SLC25A28: variants seen among roughly 807,000 people sequenced by gnomAD.
The protein encoded by SLC25A28 is mitoferrin-2.
A neutral mutation model predicts 31.9 loss-of-function variants in SLC25A28; 10 were observed. The ratio of observed to expected loss-of-function variants is 0.31; its 90% CI spans 0.19 to 0.53. SLC25A28 has a LOEUF of 0.53. SLC25A28 is among the 20% of genes least tolerant of loss of function. The pLI, the probability that SLC25A28 is intolerant of heterozygous loss-of-function variation, is 0.95. For missense variants in SLC25A28, 256 were observed against 490.3 expected (o/e 0.52, Z 4.51); for synonymous variants, 208 against 203.6 (o/e 1.02, Z -0.19).
rs751337987 is a variant in SLC25A28 at position 99,613,630 on chromosome 10, G to A, written c.520+66C>T. 5 of 1,609,724 alleles carry A rather than the reference G, an allele frequency of 3.1e-6. No individual in the cohort carries two copies. Among genetic ancestry groups the A allele is most frequent in the African/African-American group, 1.3e-5 (1 of 75,004 alleles). On this transcript the variant is annotated intron_variant, in intron 2 of 3. Coordinates refer to ENST00000370495, the MANE Select transcript of SLC25A28 (RefSeq NM_031212.4). The surrounding 1 kb of genome is among the most constrained non-coding windows in gnomAD (Gnocchi z 4.9). ...CTCCAAACCATGCTGAGACTGGAAA[G>A]CACTGACAGCAGCAAAGCCCAAAGA...
At chr10:99,621,696 GCT>G (rs1407567456), upstream of SLC25A28, 1 of 152,370 alleles carries the variant, frequency 6.6e-6, no homozygotes, top group African/African-American at 2.4e-5. Context: ...GCGGTTTCCA[GCT>G]CTGTCTTCTC....
In SLC25A28 at chr10:99,610,559, G is replaced by T. The variant is rs1236970045; in HGVS notation, c.*290C>A. The T allele has an allele frequency of 1.4e-5, 5 of 358,020 alleles. No individual in the cohort carries two copies. The highest frequency in any genetic ancestry group is 2.0e-5 in the Non-Finnish European group (4 of 196,422). The allele number at this position is 358,020 out of a possible 1,614,324, so 22.2% of individuals were successfully genotyped here. A position where few individuals can be genotyped will look rare whatever the true frequency, so the allele number is the denominator to read the frequency against. On this transcript the variant is annotated 3_prime_UTR_variant, in exon 4 of 4. Coordinates refer to ENST00000370495, the MANE Select transcript of SLC25A28 (RefSeq NM_031212.4). ...GCTTTTTATTAGGAACCAGGGGAAT[G>T]AGCTGCTTATCCCTCTATAACAGTC... is the stretch of plus-strand genomic sequence containing the variant.
chr10:99,616,017 C>A, intron 1 of SLC25A28: 6 of 985,376 alleles, frequency 6.1e-6, no homozygotes, highest in Non-Finnish European at 7.2e-6. Flanking sequence ...AAAGTACACC[C>A]TTATGGAGAG....
the SLC25A28 span, among the ~76,000 whole-genome samples, chr10:99,631,625 C>G: frequency 6.6e-6 from 1 of 152,200 alleles, no homozygotes; most frequent in East Asian, 1.9e-4. Context: ...AGCCTCATCT[C>G]TTGACTCATC....
chr10:99,611,560 C>T lies in SLC25A28; in HGVS notation c.578-194G>A, dbSNP rs539042533. Among the ~76,000 whole-genome samples, 4 of 152,150 alleles carry T rather than the reference C, an allele frequency of 2.6e-5. No individual in the cohort carries two copies. The South Asian group carries it at 6.2e-4, about 24-fold the overall frequency. ...GAAGGAGTAAGCAGAGGGTTGGTAA[C>T]GAGTCAAAAAACAATAAACCCACTT... On this transcript the variant is annotated intron_variant, in intron 3 of 3. Coordinates refer to ENST00000370495, the MANE Select transcript of SLC25A28 (RefSeq NM_031212.4). This position sits in a 1 kb window ranked among gnomAD's most constrained non-coding sequence, Gnocchi z 5.5.
chr10:99,652,998 T>C, the SLC25A28 span, among the ~76,000 whole-genome samples: 1 of 152,162 alleles, frequency 6.6e-6, no homozygotes, highest in South Asian at 2.1e-4. Context: ...AAATTGAACA[T>C]TGATGATGTC....
At chr10:99,656,108 C>T in the SLC25A28 span, among the ~76,000 whole-genome samples, 15 of 151,882 alleles carry the variant, frequency 9.9e-5, no homozygotes, top group African/African-American at 3.1e-4. Flanking sequence ...GACTATATCT[C>T]GTCAGAATAA....
At chr10:99,614,089 A>T (rs982537182) in intron 1 of SLC25A28, among the ~76,000 whole-genome samples, 165 bp from the exon 2 acceptor site, 1 of 152,092 alleles carries the variant, frequency 6.6e-6, no homozygotes, top group Non-Finnish European at 1.5e-5. Context: ...TAAGCCTTGG[A>T]CCTTTCTTTT....
the SLC25A28 span, among the ~76,000 whole-genome samples, chr10:99,649,067 C>T: frequency 2.0e-5 from 3 of 152,112 alleles, no homozygotes; most frequent in African/African-American, 7.2e-5. Flanking sequence ...TTTTTCTCCA[C>T]TAAGTGTGAT....
the SLC25A28 span, among the ~76,000 whole-genome samples, chr10:99,646,751 C>T: frequency 6.6e-6 from 1 of 152,194 alleles, no homozygotes; most frequent in South Asian, 2.1e-4. Flanking sequence ...AAAGTCTGCA[C>T]TTTTAGTGTA....
rs139691311 is a variant in SLC25A28 at position 99,618,869 on chromosome 10, TTCTC to T, written c.291+1172_291+1175del. ...ATCTACTTTGCCTTTCCCAAGTTGA[TTCTC>T]TCCTCCTTTTGAATACATAACACTT... On this transcript the variant is annotated intron_variant, in intron 1 of 3. Coordinates refer to ENST00000370495, the MANE Select transcript of SLC25A28 (RefSeq NM_031212.4). 39 of 985,438 alleles carry T rather than the reference TTCTC, an allele frequency of 4.0e-5. No individual in the cohort carries two copies. The African/African-American group carries it at 6.5e-4, about 16-fold the overall frequency. 61.0% of individuals were successfully genotyped at this position (985,438 alleles called of 1,614,324 possible).
Position 99,617,763 on chromosome 10 carries a change from C to T in SLC25A28, c.291+2282G>A, listed in dbSNP as rs2034691492. 5 of 985,336 alleles carry T rather than the reference C, an allele frequency of 5.1e-6. No individual in the cohort carries two copies. The African/African-American group carries it at 8.7e-5, about 17-fold the overall frequency. 61.0% of individuals were successfully genotyped at this position (985,336 alleles called of 1,614,324 possible). ...GTTGACAACTCCTGAGCATTTTTTT[C>T]TCAAATCATTATTTCCTTAATAGAG... is the stretch of plus-strand genomic sequence containing the variant. On this transcript the variant is annotated intron_variant, in intron 1 of 3. Coordinates refer to ENST00000370495, the MANE Select transcript of SLC25A28 (RefSeq NM_031212.4).
chr10:99,613,678 C>A lies in SLC25A28; in HGVS notation c.520+18G>T. On this transcript the variant is annotated intron_variant, in intron 2 of 3. Coordinates refer to ENST00000370495, the MANE Select transcript of SLC25A28 (RefSeq NM_031212.4). This position sits in a 1 kb window ranked among gnomAD's most constrained non-coding sequence, Gnocchi z 4.9. ...AGAGTTGGGAAAGTGGGGGAACCAG[C>A]ACAGGAAGGCTCAATACCATTGGCA... The A allele has an allele frequency of 6.2e-7, 1 of 1,614,198 alleles. No individual in the cohort carries two copies.
intron 1 of SLC25A28, chr10:99,617,437 G>A (rs1282053030): frequency 1.0e-6 from 1 of 985,318 alleles, no homozygotes; most frequent in African/African-American, 1.7e-5. Flanking sequence ...TGCAAACATT[G>A]TGGTTGCCCT....
the SLC25A28 span, among the ~76,000 whole-genome samples, chr10:99,657,062 T>TGTAG: frequency 5.3e-5 from 8 of 152,230 alleles, no homozygotes; most frequent in African/African-American, 1.9e-4. Flanking sequence ...GGGATTAAAA[T>TGTAG]GTAGGTCTTT....
upstream of SLC25A28, chr10:99,622,594 CCGTTTTTCTT>C (rs2034817314): frequency 4.2e-6 from 4 of 952,560 alleles, no homozygotes; most frequent in Non-Finnish European, 5.0e-6. Context: ...TTTCCTATTC[CCGTTTTTCTT>C]AACAGAGATA....
chr10:99,635,491 C>A, the SLC25A28 span, among the ~76,000 whole-genome samples: 1 of 142,222 alleles, frequency 7.0e-6, no homozygotes, highest in African/African-American at 2.6e-5. Flanking sequence ...ACCATCCTGG[C>A]TAACGTGGTG....
rs1484634991 is a variant in SLC25A28 at position 99,611,779 on chromosome 10, G to A, written c.578-413C>T. Among the ~76,000 whole-genome samples, 2 of 152,156 alleles carry A rather than the reference G, an allele frequency of 1.3e-5. No individual in the cohort carries two copies. Among genetic ancestry groups the A allele is most frequent in the African/African-American group, 2.4e-5 (1 of 41,430 alleles). ...CAATCCCAATCCTCGCATACAAAGA[G>A]CACCTAACTTTTAAAATGTGAGATG... On this transcript the variant is annotated intron_variant, in intron 3 of 3. Coordinates refer to ENST00000370495, the MANE Select transcript of SLC25A28 (RefSeq NM_031212.4). This position sits in a 1 kb window ranked among gnomAD's most constrained non-coding sequence, Gnocchi z 5.5.
chr10:99,632,842 T>C, the SLC25A28 span, among the ~76,000 whole-genome samples: 1 of 152,240 alleles, frequency 6.6e-6, no homozygotes, highest in Admixed American at 6.5e-5. Context: ...GACTAGGTCA[T>C]ATGTGACCTT....
Sources: gnomAD v4.1 joint callset for allele counts (sites outside exome capture counted in the v4.1 genomes callset) on GRCh38, gnomAD v4.1.1 for gene constraint, Gnocchi (gnomAD v3.1) non-coding constraint, MANE v1.5 for transcripts, NCBI Gene and HGNC (gene_info 2026-07-23, HGNC 2026-07-21) for gene names.